Variants in SHC3 observed in about 807,000 individuals in gnomAD.
The protein encoded by SHC3 is SHC-transforming protein 3.
Under a neutral mutation model 60.4 loss-of-function variants are expected in SHC3, and 15 were observed. That is an observed-to-expected ratio of 0.25 (90% CI 0.17 to 0.38). The LOEUF is 0.38. SHC3 is among the 10% of genes least tolerant of loss of function. The probability of loss-of-function intolerance (pLI) is 1.00; values close to 1 mark genes in which losing one functional copy is unlikely to be tolerated. For synonymous variants in SHC3, 294 were observed against 325.9 expected (o/e 0.90, Z 1.05); for missense variants, 677 against 786.1 (o/e 0.86, Z 1.66).
At chr9:89,165,356 A>G (rs1826771677) in intron 1 of SHC3, among the ~76,000 whole-genome samples, 1 of 151,714 alleles carries the variant, frequency 6.6e-6, no homozygotes, top group Non-Finnish European at 1.5e-5. Context: ...TAAAATTAGT[A>G]AGTGTCAGGA....
chr9:89,160,810 C>T (rs1263444475), intron 1 of SHC3, among the ~76,000 whole-genome samples: 1 of 152,224 alleles, frequency 6.6e-6, no homozygotes, highest in Non-Finnish European at 1.5e-5. Flanking sequence ...TGCTTTCCAA[C>T]TACCAAACAG....
chr9:89,022,809 A>G (rs1826227911), intron 11 of SHC3, among the ~76,000 whole-genome samples: 1 of 152,100 alleles, frequency 6.6e-6, no homozygotes, highest in Non-Finnish European at 1.5e-5. Flanking sequence ...CATCTTATTT[A>G]TTTATGGATT....
At chr9:89,014,564 C>T (rs1053973999) in intron 11 of SHC3, among the ~76,000 whole-genome samples, 2 of 152,298 alleles carry the variant, frequency 1.3e-5, no homozygotes, top group African/African-American at 4.8e-5. Context: ...CAGTGGTCTC[C>T]TCTCCATCAG....
At chr9:89,122,700 A>G (rs74412129) in intron 1 of SHC3, among the ~76,000 whole-genome samples, 2,814 of 152,332 alleles carry the variant, frequency 0.018, 70 homozygotes, top group African/African-American at 0.065. Context: ...ACCTAAGGGT[A>G]TGAACCTGAG....
At chr9:89,150,569 G>A (rs545630124) in intron 1 of SHC3, among the ~76,000 whole-genome samples, 10 of 152,216 alleles carry the variant, frequency 6.6e-5, no homozygotes, top group African/African-American at 1.9e-4. Context: ...ATACTATTCC[G>A]TTGTATGTAT....
chr9:89,112,678 A>T, intron 1 of SHC3, 52 bp from the exon 2 acceptor site: 1 of 1,507,868 alleles, frequency 6.6e-7, no homozygotes, highest in East Asian at 2.4e-5. Context: ...AGATAAAGAG[A>T]CAACTCCTAA....
At chr9:89,125,685 A>C (rs901229816) in intron 1 of SHC3, among the ~76,000 whole-genome samples, 11 of 152,222 alleles carry the variant, frequency 7.2e-5, no homozygotes, top group Non-Finnish European at 1.3e-4. Flanking sequence ...GATGGTGATG[A>C]GAGTGACCTC....
At chr9:89,074,920 G>C (rs1825332238) in intron 4 of SHC3, among the ~76,000 whole-genome samples, 189 bp downstream of exon 4, 1 of 151,574 alleles carries the variant, frequency 6.6e-6, no homozygotes, top group African/African-American at 2.4e-5. Context: ...ATAAAAAGCA[G>C]AATTAAAGAG....
chr9:89,108,053 C>A (rs1177059922), intron 2 of SHC3, among the ~76,000 whole-genome samples: 1 of 152,116 alleles, frequency 6.6e-6, no homozygotes, highest in Non-Finnish European at 1.5e-5. Flanking sequence ...CCATTGTGTT[C>A]CAATTGCCTA....
At chr9:89,169,961 G>T (rs917069297) in intron 1 of SHC3, among the ~76,000 whole-genome samples, 2 of 152,128 alleles carry the variant, frequency 1.3e-5, no homozygotes. Context: ...GTGTGAGGCG[G>T]GTTAGGCTCC....
chr9:89,142,355 GT>G (rs955085325), intron 1 of SHC3, among the ~76,000 whole-genome samples: 3 of 152,260 alleles, frequency 2.0e-5, no homozygotes, highest in African/African-American at 7.2e-5. Flanking sequence ...AGGTCCAGGA[GT>G]TCAAAACCAG....
chr9:89,022,321 C>G (rs941394934), intron 11 of SHC3, among the ~76,000 whole-genome samples: 1 of 152,110 alleles, frequency 6.6e-6, no homozygotes, highest in Non-Finnish European at 1.5e-5. Context: ...GTGGGGAAAG[C>G]TCAGACCTCC....
chr9:89,115,108 G>A (rs1238959886), intron 1 of SHC3, among the ~76,000 whole-genome samples: 2 of 152,186 alleles, frequency 1.3e-5, no homozygotes, highest in African/African-American at 4.8e-5. Flanking sequence ...CACCAGAGTA[G>A]AGTACCACCT....
At chr9:89,138,336 T>G (rs1214806427) in intron 1 of SHC3, among the ~76,000 whole-genome samples, 1 of 152,212 alleles carries the variant, frequency 6.6e-6, no homozygotes, top group Non-Finnish European at 1.5e-5. Flanking sequence ...TTGCCCATTT[T>G]TATAGCTATT....
At chr9:89,136,604 C>A (rs1194410059) in intron 1 of SHC3, among the ~76,000 whole-genome samples, 4 of 152,220 alleles carry the variant, frequency 2.6e-5, no homozygotes, top group Non-Finnish European at 5.9e-5. Context: ...CATGAATAAT[C>A]TATGCCTTGT....
intron 1 of SHC3, among the ~76,000 whole-genome samples, chr9:89,122,786 G>T (rs1232389048): frequency 6.6e-6 from 1 of 152,194 alleles, no homozygotes; most frequent in East Asian, 1.9e-4. Flanking sequence ...GTGCTGCTAG[G>T]GTGGGGAGTC....
At chr9:89,027,762 A>G (rs1449835611) in intron 11 of SHC3, among the ~76,000 whole-genome samples, 1 of 152,240 alleles carries the variant, frequency 6.6e-6, no homozygotes, top group Admixed American at 6.5e-5. Context: ...TCAACACATT[A>G]CAGACTAACA....
chr9:89,038,893 A>T lies in SHC3; in HGVS notation c.1361-605T>A, dbSNP rs190425837. Among the ~76,000 whole-genome samples, 377 of 152,316 alleles carry T rather than the reference A, an allele frequency of 2.5e-3. 2 individuals are homozygous for T. Among genetic ancestry groups the T allele is most frequent in the African/African-American group, 8.6e-3 (357 of 41,566 alleles). On this transcript the variant is annotated intron_variant, in intron 10 of 11. Transcript: ENST00000375835. ...TTAACCTTCACTTGTTTCCCTGTGGAACGAGGCTCTCACATGAGTGCCTGA... is the reference window on the plus strand; with the variant it reads ...TTAACCTTCACTTGTTTCCCTGTGGTACGAGGCTCTCACATGAGTGCCTGA...
At chr9:89,017,973 T>C (rs927039461) in intron 11 of SHC3, among the ~76,000 whole-genome samples, 2 of 152,142 alleles carry the variant, frequency 1.3e-5, no homozygotes, top group African/African-American at 4.8e-5. Context: ...GTGGTGATCA[T>C]TAAAAAGTCA....
Sources: allele counts gnomAD v4.1 joint callset (sites outside exome capture counted in the v4.1 genomes callset), GRCh38; gene constraint gnomAD v4.1.1; transcripts MANE v1.5; gene names NCBI Gene and HGNC (gene_info 2026-07-23, HGNC 2026-07-21).